Variants in DACH1 observed in about 807,000 individuals in gnomAD.
DACH1 encodes dachshund homolog 1.
A neutral mutation model predicts 54.2 loss-of-function variants in DACH1; 12 were observed. The observed-to-expected ratio is 0.22, with a 90% CI of 0.14 to 0.36. The LOEUF is 0.36. DACH1 is among the 10% of genes least tolerant of loss of function. The probability of loss-of-function intolerance (pLI) is 1.00; values close to 1 mark genes in which losing one functional copy is unlikely to be tolerated. For synonymous variants in DACH1, 386 were observed against 366.2 expected (o/e 1.05, Z -0.62); for missense variants, 805 against 929.8 (o/e 0.87, Z 1.75).
intron 10 of DACH1, among the ~76,000 whole-genome samples, chr13:71,473,147 G>C (rs111890115): frequency 1.4e-4 from 22 of 152,236 alleles, no homozygotes; most frequent in African/African-American, 5.3e-4. Flanking sequence ...ATAATGAATA[G>C]TTAGTATGTT....
intron 1 of DACH1, among the ~76,000 whole-genome samples, chr13:71,840,610 T>C (rs923266615): frequency 3.3e-5 from 5 of 152,200 alleles, no homozygotes; most frequent in Admixed American, 2.0e-4. Flanking sequence ...TATTTTGCTT[T>C]CATTTCAGAA....
intron 4 of DACH1, among the ~76,000 whole-genome samples, chr13:71,566,721 T>C (rs751609720): frequency 5.9e-5 from 9 of 152,168 alleles, no homozygotes; most frequent in Non-Finnish European, 1.2e-4. Context: ...CTTTCTTTTT[T>C]AGGTTAACAT....
intron 1 of DACH1, among the ~76,000 whole-genome samples, chr13:71,754,829 C>A (rs185462419): frequency 3.5e-4 from 53 of 151,504 alleles, no homozygotes; most frequent in African/African-American, 1.1e-3. Context: ...GCAGGAGAGT[C>A]TAATAAAAAA....
At chr13:71,540,365 C>CCACA (rs1184266037) in intron 6 of DACH1, among the ~76,000 whole-genome samples, 1 of 152,146 alleles carries the variant, frequency 6.6e-6, no homozygotes, top group East Asian at 1.9e-4. Context: ...ACTTAGCTGA[C>CCACA]CACAGCAAAT....
chr13:71,534,423 G>C (rs1210605499), intron 6 of DACH1, among the ~76,000 whole-genome samples: 2 of 151,710 alleles, frequency 1.3e-5, no homozygotes, highest in East Asian at 3.9e-4. Flanking sequence ...AAATCATTGA[G>C]AAATATTTAT....
At chr13:71,788,720 T>C (rs1348346984) in intron 1 of DACH1, among the ~76,000 whole-genome samples, 2 of 152,080 alleles carry the variant, frequency 1.3e-5, no homozygotes, top group African/African-American at 4.8e-5. Flanking sequence ...TAATGTATCA[T>C]AATGAAAATA....
chr13:71,601,351 T>C (rs528899332), intron 3 of DACH1, among the ~76,000 whole-genome samples: 11 of 152,144 alleles, frequency 7.2e-5, no homozygotes, highest in South Asian at 2.1e-4. Flanking sequence ...GAAATATTCG[T>C]CCCTTTTTCT....
At chr13:71,777,479 C>T (rs2138052822) in intron 1 of DACH1, among the ~76,000 whole-genome samples, 1 of 152,210 alleles carries the variant, frequency 6.6e-6, no homozygotes, top group East Asian at 1.9e-4. Flanking sequence ...CACTTCCCCT[C>T]TTCTAGAAAC....
chr13:71,822,279 C>T (rs1044397315), intron 1 of DACH1, among the ~76,000 whole-genome samples: 2 of 152,080 alleles, frequency 1.3e-5, no homozygotes, highest in South Asian at 4.1e-4. Context: ...AACAGAGATA[C>T]TCACAAAAGT....
intron 10 of DACH1, among the ~76,000 whole-genome samples, chr13:71,471,735 G>C (rs954421022): frequency 1.3e-5 from 2 of 151,548 alleles, no homozygotes; most frequent in Non-Finnish European, 2.9e-5. Context: ...CTGGGCAACA[G>C]AGTGAGACTC....
intron 1 of DACH1, among the ~76,000 whole-genome samples, chr13:71,810,293 G>A (rs1887663430): frequency 6.6e-6 from 1 of 152,116 alleles, no homozygotes; most frequent in Non-Finnish European, 1.5e-5. Context: ...TTGAATTCAG[G>A]TTTATCTAAT....
intron 6 of DACH1, among the ~76,000 whole-genome samples, chr13:71,551,732 T>G (rs1883830635): frequency 6.6e-6 from 1 of 152,148 alleles, no homozygotes; most frequent in South Asian, 2.1e-4. Flanking sequence ...CATAATGATT[T>G]TCTTTCAAAA....
chr13:71,586,174 C>A (rs1440861531), intron 3 of DACH1, among the ~76,000 whole-genome samples: 5 of 152,058 alleles, frequency 3.3e-5, no homozygotes, highest in African/African-American at 1.2e-4. Flanking sequence ...CAGGGGGTAC[C>A]AGCTCACCAA....
intron 1 of DACH1, among the ~76,000 whole-genome samples, chr13:71,732,540 A>G (rs868643858): frequency 8.7e-5 from 13 of 149,834 alleles, no homozygotes; most frequent in South Asian, 6.4e-4. Flanking sequence ...AGCTGAGACC[A>G]CGCCACTGCA....
chr13:71,682,593 CTATTT>C (rs1238401159), intron 1 of DACH1, among the ~76,000 whole-genome samples: 1 of 152,076 alleles, frequency 6.6e-6, no homozygotes, highest in African/African-American at 2.4e-5. Flanking sequence ...AACCCTTATT[CTATTT>C]AAGTGAACAT....
intron 6 of DACH1, among the ~76,000 whole-genome samples, chr13:71,499,955 T>C (rs2138229988): frequency 6.6e-6 from 1 of 152,144 alleles, no homozygotes; most frequent in East Asian, 1.9e-4. Context: ...CCCATAAACA[T>C]TCCACAGCTC....
intron 1 of DACH1, among the ~76,000 whole-genome samples, chr13:71,818,987 A>G (rs1377079983): frequency 2.0e-5 from 3 of 152,176 alleles, no homozygotes; most frequent in African/African-American, 7.2e-5. Context: ...TATTAACTGG[A>G]GAGAGTTAGA....
At chr13:71,721,152 C>T (rs1248063046) in intron 1 of DACH1, among the ~76,000 whole-genome samples, 6 of 152,098 alleles carry the variant, frequency 3.9e-5, no homozygotes, top group African/African-American at 1.2e-4. Flanking sequence ...TACATAGTGT[C>T]GATGTTCAGA....
intron 3 of DACH1, among the ~76,000 whole-genome samples, chr13:71,585,310 TG>T (rs1330458432): frequency 6.6e-6 from 1 of 152,148 alleles, no homozygotes; most frequent in Non-Finnish European, 1.5e-5. Context: ...GCATGTGTGT[TG>T]GAAAAAAAAT....
Sources: gnomAD v4.1 joint callset for allele counts (sites outside exome capture counted in the v4.1 genomes callset) on GRCh38, gnomAD v4.1.1 for gene constraint, MANE v1.5 for transcripts, NCBI Gene and HGNC (gene_info 2026-07-23, HGNC 2026-07-21) for gene names.